Variants in LAMA3 observed in about 807,000 individuals in gnomAD.
The protein encoded by LAMA3 is laminin subunit alpha 3.
LAMA3 carries 281 observed loss-of-function variants against 402.0 expected under a neutral mutation model. The observed-to-expected ratio is 0.70, with a 90% CI of 0.63 to 0.77. The LOEUF (loss-of-function observed/expected upper bound fraction) is 0.77, where lower values mean the gene tolerates loss of function less well. Among genes scored for constraint, LAMA3 ranks in the 30% least tolerant of loss-of-function variants. The pLI is 0.00. For missense variants in LAMA3, 3,840 were observed against 4,215.5 expected (o/e 0.91, Z 2.47); for synonymous variants, 1,431 against 1,558.4 (o/e 0.92, Z 1.93).
rs535971063 is a variant in LAMA3, at chr18:23,752,038, C to T, written c.855+950C>T. 2.0e-5 allele frequency among the ~76,000 whole-genome samples: 3 copies of T among 152,284 alleles called. No individual in the cohort carries two copies. In the South Asian group the frequency reaches 6.2e-4, roughly 32 times the overall value. On this transcript the variant is annotated intron_variant, in intron 5 of 74. Coordinates refer to ENST00000313654, the MANE Select transcript of LAMA3 (RefSeq NM_198129.4). ...GTTTGGCTTTTTATATAGGTAACAT[C>T]AGAGAGCTGGGAAAGGAAGGGAGGG... is the stretch of plus-strand genomic sequence containing the variant.
chr18:23,714,524 C>T (rs144191034), intron 2 of LAMA3, among the ~76,000 whole-genome samples: 39 of 152,036 alleles, frequency 2.6e-4, no homozygotes, highest in African/African-American at 8.7e-4. Context: ...CATCTCAAAA[C>T]GAAAACAAAA....
At chr18:23,937,371 C>CAAAAAAAAAAA (rs58274189) in intron 67 of LAMA3, among the ~76,000 whole-genome samples, 1 of 92,918 alleles carries the variant, frequency 1.1e-5, no homozygotes, top group Non-Finnish European at 2.0e-5. Flanking sequence ...TTCTCAAAAG[C>CAAAAAAAAAAA]AAAAAAAAAA....
At chr18:23,840,953 G>A (rs546803769) in intron 27 of LAMA3, among the ~76,000 whole-genome samples, 23 of 152,262 alleles carry the variant, frequency 1.5e-4, no homozygotes, top group African/African-American at 5.5e-4. Context: ...TTATATCAGT[G>A]CTCAAAAAGT....
At chr18:23,753,907 T>TATTGAGGACAGGAACCTA in intron 6 of LAMA3, 95 bp downstream of exon 6, 1 of 829,022 alleles carries the variant, frequency 1.2e-6, no homozygotes, top group Non-Finnish European at 2.1e-6. Context: ...TCTAGGTTCC[T>TATTGAGGACAGGAACCTA]GTCCTCAATA....
chr18:23,830,553 C>T (rs989470732), intron 23 of LAMA3, among the ~76,000 whole-genome samples: 10 of 152,300 alleles, frequency 6.6e-5, no homozygotes, highest in Middle Eastern at 3.4e-3. Flanking sequence ...CGGCAGCTTT[C>T]GATGCCTGAT....
intron 57 of LAMA3, 41 bp from the exon 58 acceptor site, chr18:23,914,657 A>T (rs1255760750): frequency 4.4e-6 from 7 of 1,598,106 alleles, no homozygotes; most frequent in Non-Finnish European, 5.1e-6. Flanking sequence ...AATTCTTCAA[A>T]TTTTTTGTTT....
intron 1 of LAMA3, among the ~76,000 whole-genome samples, chr18:23,701,410 G>A (rs2060787270): frequency 6.6e-6 from 1 of 152,188 alleles, no homozygotes; most frequent in African/African-American, 2.4e-5. Flanking sequence ...TTCCATTAGG[G>A]TAGAAGAAGC....
intron 1 of LAMA3, among the ~76,000 whole-genome samples, chr18:23,698,442 T>G (rs1296876574): frequency 6.6e-6 from 1 of 152,140 alleles, no homozygotes; most frequent in Non-Finnish European, 1.5e-5. Context: ...CCTGATTTTG[T>G]GATCCGCCTG....
intron 44 of LAMA3, among the ~76,000 whole-genome samples, chr18:23,897,712 C>G (rs1283705235): frequency 2.0e-5 from 3 of 152,234 alleles, no homozygotes; most frequent in Non-Finnish European, 4.4e-5. Context: ...TGACTTGCCT[C>G]CCTTTCCCCA....
At chr18:23,931,476 G>A (rs997573849) in intron 65 of LAMA3, 1 of 367,458 alleles carries the variant, frequency 2.7e-6, no homozygotes, top group African/African-American at 2.1e-5. Context: ...TGGAAACACA[G>A]TGAAACCATG....
chr18:23,903,411 G>T (rs1003400995), intron 49 of LAMA3, among the ~76,000 whole-genome samples: 2 of 152,152 alleles, frequency 1.3e-5, no homozygotes, highest in African/African-American at 4.8e-5. Flanking sequence ...AAGCATACAA[G>T]CATTTATTAA....
chr18:23,713,500 G>A (rs1245356598), intron 1 of LAMA3, among the ~76,000 whole-genome samples: 3 of 152,214 alleles, frequency 2.0e-5, no homozygotes, highest in African/African-American at 4.8e-5. Context: ...TGGGACTGTG[G>A]GGAGGGATCT....
intron 5 of LAMA3, among the ~76,000 whole-genome samples, chr18:23,752,206 G>A (rs569791001): frequency 3.8e-4 from 58 of 152,230 alleles, no homozygotes; most frequent in Non-Finnish European, 5.9e-4. Context: ...TGAATCTGAG[G>A]ATGGATATTT....
At chr18:23,813,807 G>T (rs1430709230) in intron 14 of LAMA3, among the ~76,000 whole-genome samples, 2 of 152,074 alleles carry the variant, frequency 1.3e-5, no homozygotes, top group African/African-American at 2.4e-5. Context: ...CTCCCAAAGT[G>T]CTGGGGTTAC....
chr18:23,826,892 A>G lies in LAMA3; in HGVS notation c.2669+93A>G. The G allele has an allele frequency of 4.0e-6, 3 of 750,272 alleles. No homozygotes were observed. The South Asian group carries it at 4.5e-5, about 11-fold the overall frequency. The allele number at this position is 750,272 out of a possible 1,614,324, so 46.5% of individuals were successfully genotyped here. On this transcript the variant is annotated intron_variant, in intron 22 of 74. Transcript: ENST00000313654. ...CTTTCATGAGGTGTCTCAGGATCAC[A>G]ACGACAGCATGATGCTCTGGATAAT...
chr18:23,710,164 C>T (rs542531811), intron 1 of LAMA3: 12 of 657,894 alleles, frequency 1.8e-5, no homozygotes, highest in Admixed American at 1.3e-4. Context: ...AGGTGGGTGA[C>T]GTGCAGATCT....
In LAMA3 at chr18:23,879,463, T is replaced by C. The variant is rs572916106; in HGVS notation, c.5113-2473T>C. Among the ~76,000 whole-genome samples, 1 of 152,358 alleles carries C rather than the reference T, an allele frequency of 6.6e-6. No individual in the cohort carries two copies. Among genetic ancestry groups the C allele is most frequent in the African/African-American group, 2.4e-5 (1 of 41,580 alleles). ...CTCTCGTGGGATGCTGGCACACTTG[T>C]GTCCTATTTTCCACGTGATATTGAA... On this transcript the variant is annotated intron_variant, in intron 39 of 74. Transcript: ENST00000313654. The surrounding 1 kb of genome is among the most constrained non-coding windows in gnomAD (Gnocchi z 4.2).
At position 23,822,235 on chromosome 18, in the gene LAMA3, G is replaced by A. The variant is rs144772246; in HGVS notation, c.2305-17G>A. ...ACCATTTTTTTCTATGCTTTATGGC[G>A]TTTCGGTATTTTTCAGAATGATGTA... On this transcript the variant is annotated splice_polypyrimidine_tract_variant and intron_variant, in intron 19 of 74. Coordinates refer to ENST00000313654, the MANE Select transcript of LAMA3 (RefSeq NM_198129.4). 9.7e-5 allele frequency: 156 copies of A among 1,613,646 alleles called. No individual in the cohort carries two copies. Among genetic ancestry groups the A allele is most frequent in the African/African-American group, 7.9e-4 (59 of 74,996 alleles).
intron 19 of LAMA3, among the ~76,000 whole-genome samples, chr18:23,821,030 C>T (rs2063275739): frequency 6.6e-6 from 1 of 152,214 alleles, no homozygotes; most frequent in African/African-American, 2.4e-5. Flanking sequence ...CATTACTTCA[C>T]TATTCAGAAA....
Sources: allele counts gnomAD v4.1 joint callset (sites outside exome capture counted in the v4.1 genomes callset), GRCh38; gene constraint gnomAD v4.1.1; non-coding constraint Gnocchi (gnomAD v3.1); transcripts MANE v1.5; gene names NCBI Gene and HGNC (gene_info 2026-07-23, HGNC 2026-07-21).